CDIN1: variants seen among roughly 807,000 people sequenced by gnomAD.
CDIN1 encodes CDAN1 interacting nuclease 1.
In CDIN1, 33 loss-of-function variants were observed where a neutral mutation model predicts 45.3. The ratio of observed to expected loss-of-function variants is 0.73; its 90% confidence interval spans 0.55 to 0.97. The LOEUF (loss-of-function observed/expected upper bound fraction) is 0.97, where lower values mean the gene tolerates loss of function less well. CDIN1 is among the 50% of genes least tolerant of loss of function. CDIN1 has a pLI of 0.00. For missense variants in CDIN1, 303 were observed against 339.4 expected (o/e 0.89, Z 0.84); for synonymous variants, 118 against 124.4 (o/e 0.95, Z 0.34).
intron 5 of CDIN1, among the ~76,000 whole-genome samples, chr15:36,682,767 C>CAAAAAAAAAAA (rs10706117): frequency 1.1e-4 from 7 of 61,398 alleles, no homozygotes; most frequent in Non-Finnish European, 1.9e-4. Flanking sequence ...AAGACCCTGC[C>CAAAAAAAAAAA]AAAAAAAAAA....
chr15:36,611,649 GA>G (rs1244562927), intron 1 of CDIN1, among the ~76,000 whole-genome samples: 5 of 152,172 alleles, frequency 3.3e-5, no homozygotes, highest in Non-Finnish European at 5.9e-5. Context: ...GAGAATAGGA[GA>G]AAGAAAGTTT....
intron 10 of CDIN1, among the ~76,000 whole-genome samples, chr15:36,748,102 G>A (rs2044510995): frequency 6.6e-6 from 1 of 152,130 alleles, no homozygotes. Context: ...TGTATGACCT[G>A]GGGCAAATCT....
chr15:36,795,823 C>T (rs2054780556), intron 10 of CDIN1, among the ~76,000 whole-genome samples: 2 of 152,126 alleles, frequency 1.3e-5, no homozygotes, highest in Non-Finnish European at 2.9e-5. Flanking sequence ...CCATCTCAGC[C>T]TCCTAAAATG....
intron 1 of CDIN1, among the ~76,000 whole-genome samples, chr15:36,629,431 G>C (rs1964506887): frequency 6.6e-6 from 1 of 152,078 alleles, no homozygotes; most frequent in Non-Finnish European, 1.5e-5. Context: ...TAAGACTAAG[G>C]CTTTCGTGGA....
intron 10 of CDIN1, among the ~76,000 whole-genome samples, chr15:36,722,128 G>A (rs1452097365): frequency 6.6e-6 from 1 of 152,168 alleles, no homozygotes; most frequent in Non-Finnish European, 1.5e-5. Context: ...CCAAGTAGGA[G>A]ACTTTCAATT....
intron 10 of CDIN1, among the ~76,000 whole-genome samples, chr15:36,738,351 A>G (rs2044109826): frequency 2.0e-5 from 3 of 152,070 alleles, no homozygotes; most frequent in Non-Finnish European, 4.4e-5. Context: ...AGTTTTGACA[A>G]TTCTGTCTTT....
intron 5 of CDIN1, among the ~76,000 whole-genome samples, chr15:36,679,745 A>C (rs2041785432): frequency 6.6e-6 from 1 of 152,064 alleles, no homozygotes; most frequent in Non-Finnish European, 1.5e-5. Flanking sequence ...GAACCCACCA[A>C]CCTTTTCAAG....
At chr15:36,702,208 T>C in intron 8 of CDIN1, 2 of 691,516 alleles carry the variant, frequency 2.9e-6, no homozygotes, top group South Asian at 1.5e-5. Context: ...GTTAAAAATA[T>C]GATGCTGTTT....
At chr15:36,588,742 T>A (rs2037424443) in intron 1 of CDIN1, among the ~76,000 whole-genome samples, 1 of 152,172 alleles carries the variant, frequency 6.6e-6, no homozygotes, top group Admixed American at 6.5e-5. Context: ...AAGACTCTTC[T>A]GAAAGGTTAT....
At chr15:36,675,935 A>T (rs2041633778) in intron 5 of CDIN1, among the ~76,000 whole-genome samples, 1 of 152,128 alleles carries the variant, frequency 6.6e-6, no homozygotes, top group Non-Finnish European at 1.5e-5. Context: ...GTTGTTTGAC[A>T]CATAGAATTT....
intron 5 of CDIN1, among the ~76,000 whole-genome samples, chr15:36,674,438 A>G (rs954628638): frequency 6.6e-6 from 1 of 152,154 alleles, no homozygotes; most frequent in Admixed American, 6.5e-5. Flanking sequence ...AGCTTTTGCA[A>G]AAAGATTTCT....
At chr15:36,697,051 G>T (rs1257363465) in intron 7 of CDIN1, among the ~76,000 whole-genome samples, 3 of 151,662 alleles carry the variant, frequency 2.0e-5, no homozygotes, top group Non-Finnish European at 4.4e-5. Context: ...CTTGAGCCCA[G>T]GAGTTCAAGG....
At chr15:36,698,500 G>C (rs2140760197) in intron 8 of CDIN1, among the ~76,000 whole-genome samples, 1 of 152,306 alleles carries the variant, frequency 6.6e-6, no homozygotes, top group South Asian at 2.1e-4. Context: ...AAGATGGTAA[G>C]TTGGAAGAAA....
chr15:36,636,280 C>T (rs781261279), intron 1 of CDIN1, among the ~76,000 whole-genome samples: 77 of 152,248 alleles, frequency 5.1e-4, no homozygotes, highest in African/African-American at 1.2e-3. Context: ...GGGCCAGGCG[C>T]GGTGGCTCAC....
At chr15:36,754,065 G>A (rs11073194) in intron 10 of CDIN1, among the ~76,000 whole-genome samples, 98,587 of 151,926 alleles carry the variant, frequency 0.65, 31,955 homozygotes, top group East Asian at 0.71. Context: ...GATAAAACTT[G>A]GCAGAATATC....
chr15:36,709,880 G>A lies in CDIN1; in HGVS notation c.635G>A (p.Trp212Ter). 6.2e-7 allele frequency: 1 copy of A among 1,613,296 alleles called. No individual in the cohort carries two copies. The highest frequency in any genetic ancestry group is 1.1e-5 in the South Asian group (1 of 91,042). The change falls in exon 10 of 11, where the codon TGG (tryptophan) becomes TAG (stop). Residue 212 changes from tryptophan (W) to a stop codon, truncating the protein, a stop_gained. Coordinates refer to ENST00000566621, the MANE Select transcript of CDIN1 (RefSeq NM_001321759.2). LOFTEE classifies it high-confidence loss of function. The part of the protein sequence containing the change: ...PVAVEGHIIH[W>*]IESKASFGDE... ...GCTGTAGAAGGGCACATAATTCACT[G>A]GATTGAAAGCAAAGCCTCATTTGGT...
At chr15:36,785,905 C>A (rs956693331) in intron 10 of CDIN1, among the ~76,000 whole-genome samples, 1 of 152,096 alleles carries the variant, frequency 6.6e-6, no homozygotes, top group African/African-American at 2.4e-5. Flanking sequence ...TGGCACAGAC[C>A]CCTGTAAGAG....
intron 10 of CDIN1, among the ~76,000 whole-genome samples, chr15:36,783,216 T>C (rs1481123480): frequency 6.6e-6 from 1 of 152,228 alleles, no homozygotes; most frequent in African/African-American, 2.4e-5. Context: ...CTTTTCTTGC[T>C]AGAAATCAGA....
intron 2 of CDIN1, 32 bp from the exon 3 acceptor site, chr15:36,645,190 GA>G (rs752073269): frequency 7.9e-6 from 12 of 1,513,772 alleles, no homozygotes; most frequent in Non-Finnish European, 1.1e-5. Flanking sequence ...ACATATCAAA[GA>G]TTTTTTTGTG....
Sources: allele counts gnomAD v4.1 joint callset (sites outside exome capture counted in the v4.1 genomes callset), GRCh38; gene constraint gnomAD v4.1.1; transcripts MANE v1.5; gene names NCBI Gene and HGNC (gene_info 2026-07-23, HGNC 2026-07-21).